USP48: variants seen among roughly 807,000 people sequenced by gnomAD.
USP48 encodes ubiquitin specific peptidase 48, also known as ubiquitin carboxyl-terminal hydrolase 48.
A neutral mutation model predicts 150.7 loss-of-function variants in USP48; 43 were observed. That is an observed-to-expected ratio of 0.29 (90% CI 0.22 to 0.37). The LOEUF is 0.37. Among genes scored for constraint, USP48 ranks in the 10% least tolerant of loss-of-function variants. The probability of loss-of-function intolerance (pLI) is 1.00; values close to 1 mark genes in which losing one functional copy is unlikely to be tolerated. For missense variants in USP48, 813 were observed against 1,249.6 expected (o/e 0.65, Z 5.27); for synonymous variants, 396 against 425.9 (o/e 0.93, Z 0.86).
Position 21,752,616 on chromosome 1 carries a change from T to G in USP48, c.576A>C (p.Leu192=). ...AQEFSKLFMS[L]LEDTLSKQKN... is the part of the protein sequence containing the mutation. The stretch of plus-strand genomic sequence containing the variant: ...TTTGTTTAGACAAAGTATCTTCCAA[T>G]AGAGACATAAAGAGCTTTGAAAATT... The change falls in exon 5 of 27, where the codon CTA becomes CTC. Residue 192 remains leucine, a synonymous_variant. Coordinates refer to ENST00000308271, the MANE Select transcript of USP48 (RefSeq NM_032236.8). The G allele has an allele frequency of 6.2e-7, 1 of 1,611,146 alleles. No homozygotes were observed. The highest frequency in any genetic ancestry group is 8.5e-7 in the Non-Finnish European group (1 of 1,179,402).
chr1:21,704,580 C>G (rs2097666703), intron 19 of USP48, 188 bp from the exon 20 acceptor site: 2 of 540,328 alleles, frequency 3.7e-6, no homozygotes, highest in Admixed American at 7.8e-5. Context: ...AGCAGCGAAA[C>G]TAAATGGACT....
rs910795673 is a variant in USP48, at chr1:21,774,392, T to G, written c.134+8432A>C. ...ATCATAAACATACATAAGAATATTT[T>G]TTAAGAAAGAATAGGACCGGTCGCA... On this transcript the variant is annotated intron_variant, in intron 1 of 26. Coordinates refer to ENST00000308271, the MANE Select transcript of USP48 (RefSeq NM_032236.8). Among the ~76,000 whole-genome samples the G allele has an allele frequency of 2.6e-5, 4 of 151,910 alleles. No homozygotes were observed. The South Asian group carries it at 8.3e-4, about 32-fold the overall frequency.
chr1:21,726,036 G>GA (rs1223318300), intron 11 of USP48, among the ~76,000 whole-genome samples: 1 of 152,088 alleles, frequency 6.6e-6, no homozygotes, highest in Non-Finnish European at 1.5e-5. Flanking sequence ...TATCAAAGGA[G>GA]AAAAAACAGG....
In USP48 at chr1:21,706,098, A is replaced by C. The variant is rs200772847; in HGVS notation, c.2273+28T>G. On this transcript the variant is annotated intron_variant, in intron 18 of 26. Coordinates refer to ENST00000308271, the MANE Select transcript of USP48 (RefSeq NM_032236.8). ...AGAGTCAACCAAATCAGTAACAATA[A>C]AGGAAATAAAACATATTTTGTTTCT... The C allele has an allele frequency of 1.9e-6, 3 of 1,606,640 alleles. No homozygotes were observed. The African/African-American group carries it at 4.0e-5, about 21-fold the overall frequency.
chr1:21,727,451 T>C (rs1025856121), intron 11 of USP48, among the ~76,000 whole-genome samples: 7 of 152,236 alleles, frequency 4.6e-5, no homozygotes, highest in Non-Finnish European at 1.0e-4. Context: ...ATAACATCTT[T>C]GAACTCTATA....
chr1:21,752,203 G>T (rs2097817775), intron 5 of USP48, among the ~76,000 whole-genome samples: 1 of 152,022 alleles, frequency 6.6e-6, no homozygotes, highest in African/African-American at 2.4e-5. Context: ...TTGTACTCAT[G>T]CACATTTTTT....
chr1:21,680,920 G>A, intron 25 of USP48, 86 bp from the exon 26 acceptor site: 1 of 1,066,724 alleles, frequency 9.4e-7, no homozygotes, highest in Non-Finnish European at 1.4e-6. Flanking sequence ...AAAGACAAAA[G>A]TTTAAAATAA....
intron 1 of USP48, among the ~76,000 whole-genome samples, chr1:21,764,572 TG>T (rs2097857356): frequency 2.0e-5 from 3 of 150,892 alleles, no homozygotes; most frequent in Admixed American, 2.0e-4. Flanking sequence ...CCAGGTATGG[TG>T]GCAGGTGCTT....
At chr1:21,728,481 G>C (rs2097746012) in intron 11 of USP48, 89 bp downstream of exon 11, 1 of 1,517,792 alleles carries the variant, frequency 6.6e-7, no homozygotes, top group African/African-American at 1.4e-5. Context: ...GAAAGAGTAA[G>C]TTTGAGAAAG....
At chr1:21,763,905 C>T (rs980829762) in intron 1 of USP48, among the ~76,000 whole-genome samples, 2 of 152,194 alleles carry the variant, frequency 1.3e-5, no homozygotes, top group South Asian at 4.1e-4. Flanking sequence ...TAAGCTGTTA[C>T]TTCTAAAGCC....
chr1:21,706,891 G>GAA, intron 15 of USP48, 23 bp from the exon 16 acceptor site: 1 of 1,544,126 alleles, frequency 6.5e-7, no homozygotes, highest in African/African-American at 1.5e-5. Flanking sequence ...AAATATATTT[G>GAA]GAAAAAAAAA....
chr1:21,736,667 G>T, intron 8 of USP48, 42 bp from the exon 9 acceptor site: 1 of 1,362,976 alleles, frequency 7.3e-7, no homozygotes, highest in Non-Finnish European at 9.6e-7. Context: ...TTGGATAACA[G>T]TTATTTCTTA....
chr1:21,780,492 A>G (rs1481724463), intron 1 of USP48, among the ~76,000 whole-genome samples: 1 of 152,102 alleles, frequency 6.6e-6, no homozygotes, highest in Non-Finnish European at 1.5e-5. Context: ...ACAACACTAT[A>G]AAGGTACTGA....
chr1:21,738,605 G>A (rs1251435583), intron 8 of USP48, among the ~76,000 whole-genome samples: 1 of 151,412 alleles, frequency 6.6e-6, no homozygotes, highest in African/African-American at 2.4e-5. Flanking sequence ...TGGTCCATCT[G>A]CCTCGGCCTC....
In USP48 at chr1:21,736,255, G is replaced by C. The variant is rs1571911475; in HGVS notation, c.1171+191C>G. 2.6e-5 allele frequency among the ~76,000 whole-genome samples: 4 copies of C among 152,182 alleles called. No homozygotes were observed. The South Asian group carries it at 8.3e-4, about 32-fold the overall frequency. ...CCACTGCATTCCAGCCTGGGCAAGA[G>C]AGTAAGAACCGGACTCGAAAAACAA... On this transcript the variant is annotated intron_variant, in intron 9 of 26. Coordinates refer to ENST00000308271, the MANE Select transcript of USP48 (RefSeq NM_032236.8).
At chr1:21,724,558 A>G (rs2097731101) in intron 11 of USP48, 1 of 176,044 alleles carries the variant, frequency 5.7e-6, no homozygotes, top group Non-Finnish European at 1.2e-5. Flanking sequence ...TAAAATGAGA[A>G]GCCAAACTGA....
At chr1:21,712,552 T>C (rs1245356115) in intron 15 of USP48, among the ~76,000 whole-genome samples, 2 of 151,640 alleles carry the variant, frequency 1.3e-5, no homozygotes, top group Non-Finnish European at 2.9e-5. Context: ...GGGTATCCTA[T>C]ACCAGAAACA....
At chr1:21,696,925 G>A (rs1323055599) in intron 22 of USP48, among the ~76,000 whole-genome samples, 5 of 151,398 alleles carry the variant, frequency 3.3e-5, no homozygotes, top group East Asian at 1.9e-4. Context: ...AGTGAGAGGC[G>A]CAGGGGAGAT....
In USP48 at chr1:21,783,043, C is replaced by G. The variant is rs1423146588; in HGVS notation, c.-86G>C. 7.1e-7 allele frequency: 1 copy of G among 1,406,490 alleles called. No individual in the cohort carries two copies. Among genetic ancestry groups the G allele is most frequent in the Non-Finnish European group, 9.2e-7 (1 of 1,090,138 alleles). 87.1% of individuals were successfully genotyped at this position (1,406,490 alleles called of 1,614,324 possible). A position where few individuals can be genotyped will look rare whatever the true frequency, so the allele number is the denominator to read the frequency against. ...CCGCCGCCCCAATGGGCTTCGCCAC[C>G]TGCCAGCAAGGAGGACCTGGCGCTC... On this transcript the variant is annotated 5_prime_UTR_variant, in exon 1 of 27. Transcript: ENST00000308271.
Sources: gnomAD v4.1 joint callset for allele counts (sites outside exome capture counted in the v4.1 genomes callset) on GRCh38, gnomAD v4.1.1 for gene constraint, MANE v1.5 for transcripts, NCBI Gene and HGNC (gene_info 2026-07-23, HGNC 2026-07-21) for gene names.